Variants in APBA1 observed in about 807,000 individuals in gnomAD.
The protein encoded by APBA1 is amyloid-beta A4 precursor protein-binding family A member 1.
In APBA1, 55 loss-of-function variants were observed where a neutral mutation model predicts 86.6. That is an observed-to-expected ratio of 0.64 (90% CI 0.51 to 0.80). APBA1 has a LOEUF of 0.80. Among genes scored for constraint, APBA1 ranks in the 30% least tolerant of loss-of-function variants. The pLI is 0.00. For synonymous variants in APBA1, 511 were observed against 493.9 expected (o/e 1.03, Z -0.46); for missense variants, 1,090 against 1,183.0 (o/e 0.92, Z 1.15).
intron 8 of APBA1, among the ~76,000 whole-genome samples, chr9:69,454,432 C>T (rs1273511379): frequency 6.6e-6 from 1 of 152,172 alleles, no homozygotes; most frequent in East Asian, 1.9e-4. Flanking sequence ...AGCCATGTGC[C>T]ACACATCAGG....
intron 1 of APBA1, among the ~76,000 whole-genome samples, chr9:69,530,670 C>A (rs536908464): frequency 2.6e-4 from 39 of 152,242 alleles, no homozygotes; most frequent in Non-Finnish European, 4.6e-4. Flanking sequence ...CACCAGTATG[C>A]AGTATACCCA....
intron 1 of APBA1, among the ~76,000 whole-genome samples, chr9:69,592,668 A>G (rs767153490): frequency 7.7e-4 from 118 of 152,294 alleles, no homozygotes; most frequent in Non-Finnish European, 1.2e-3. Flanking sequence ...AGTCTTTCCT[A>G]TGCTCTCACG....
intron 1 of APBA1, among the ~76,000 whole-genome samples, chr9:69,636,915 G>GA (rs1823182143): frequency 2.7e-5 from 3 of 112,208 alleles, no homozygotes; most frequent in African/African-American, 1.0e-4. Context: ...AGGAAGGAAG[G>GA]AAGGAAGGAA....
chr9:69,645,645 G>C (rs907630178), intron 1 of APBA1, among the ~76,000 whole-genome samples: 20 of 152,176 alleles, frequency 1.3e-4, no homozygotes, highest in African/African-American at 3.6e-4. Flanking sequence ...TGAAAGGGAG[G>C]GGGGAGCTCG....
At chr9:69,576,609 A>G (rs1010016194) in intron 1 of APBA1, among the ~76,000 whole-genome samples, 1 of 152,194 alleles carries the variant, frequency 6.6e-6, no homozygotes, top group African/African-American at 2.4e-5. Context: ...CGCAAGGACA[A>G]AAAACCAAAC....
intron 2 of APBA1, among the ~76,000 whole-genome samples, chr9:69,492,159 T>C (rs1356566333): frequency 6.6e-6 from 1 of 152,132 alleles, no homozygotes; most frequent in Non-Finnish European, 1.5e-5. Flanking sequence ...GCCCAGCGTC[T>C]GGCAGATCAG....
chr9:69,450,638 T>C (rs906775656), intron 9 of APBA1, among the ~76,000 whole-genome samples: 2 of 152,182 alleles, frequency 1.3e-5, no homozygotes, highest in African/African-American at 4.8e-5. Context: ...GGTTGAATTG[T>C]GTCCCCCCAA....
At chr9:69,600,230 A>G (rs10123008) in intron 1 of APBA1, among the ~76,000 whole-genome samples, 106,299 of 152,048 alleles carry the variant, frequency 0.7, 37,418 homozygotes, top group East Asian at 0.85. Context: ...GGCCAAAAAC[A>G]ATTTCCGCTG....
intron 1 of APBA1, among the ~76,000 whole-genome samples, chr9:69,660,228 G>A (rs1296729327): frequency 6.6e-6 from 1 of 152,198 alleles, no homozygotes; most frequent in Non-Finnish European, 1.5e-5. Flanking sequence ...TTTGCTCTTA[G>A]AGAGATGTGC....
chr9:69,644,565 C>T (rs1290029628), intron 1 of APBA1, among the ~76,000 whole-genome samples: 1 of 152,304 alleles, frequency 6.6e-6, no homozygotes, highest in Admixed American at 6.5e-5. Context: ...TTACAGAGTC[C>T]CATTTGTAAG....
chr9:69,510,154 T>C (rs1335202342), intron 2 of APBA1, among the ~76,000 whole-genome samples: 1 of 142,820 alleles, frequency 7.0e-6, no homozygotes, highest in East Asian at 2.2e-4. Flanking sequence ...GATGACATGA[T>C]TGTATATCTA....
At chr9:69,576,595 C>G (rs1821803957) in intron 1 of APBA1, among the ~76,000 whole-genome samples, 1 of 152,068 alleles carries the variant, frequency 6.6e-6, no homozygotes, top group South Asian at 2.1e-4. Context: ...TCTCAGCAAA[C>G]TATCGCAAGG....
In APBA1 at chr9:69,430,627, G is replaced by A. The variant is rs1489020550; in HGVS notation, c.*700C>T. On this transcript the variant is annotated 3_prime_UTR_variant, in exon 13 of 13. Transcript: ENST00000265381. ...ATGGTTGATAACTTGAGGACAACCTGGTAAAGCTTCAGATGCCCCATGAAT... is the reference window on the plus strand; with the variant it reads ...ATGGTTGATAACTTGAGGACAACCTAGTAAAGCTTCAGATGCCCCATGAAT... 1 of 152,462 alleles carries A rather than the reference G, an allele frequency of 6.6e-6. No individual in the cohort carries two copies. The highest frequency in any genetic ancestry group is 2.4e-5 in the African/African-American group (1 of 41,416). 9.4% of individuals were successfully genotyped at this position (152,462 alleles called of 1,614,324 possible).
intron 1 of APBA1, among the ~76,000 whole-genome samples, chr9:69,572,749 A>C (rs1352139532): frequency 6.6e-6 from 1 of 152,164 alleles, no homozygotes. Context: ...CCTCCACATG[A>C]GAGCTGTGAT....
chr9:69,576,420 G>A (rs528051819), intron 1 of APBA1, among the ~76,000 whole-genome samples: 23 of 152,218 alleles, frequency 1.5e-4, no homozygotes, highest in Admixed American at 7.2e-4. Flanking sequence ...TGTTTATTGC[G>A]GCACTATTCA....
At position 69,517,227 on chromosome 9, in the gene APBA1, G is replaced by A; in HGVS notation, c.-17C>T. ...GTGGTTCATGGTGGGAGTCGGAACGGCTAGGAGAGAAGCTGGGCCCGGCTC... is the reference window on the plus strand; with the variant it reads ...GTGGTTCATGGTGGGAGTCGGAACGACTAGGAGAGAAGCTGGGCCCGGCTC... On this transcript the variant is annotated 5_prime_UTR_variant, in exon 2 of 13. Transcript: ENST00000265381. 1 of 1,451,046 alleles carries A rather than the reference G, an allele frequency of 6.9e-7. No individual in the cohort carries two copies. Among genetic ancestry groups the A allele is most frequent in the South Asian group, 1.5e-5 (1 of 67,694 alleles). 89.9% of individuals were successfully genotyped at this position (1,451,046 alleles called of 1,614,324 possible).
chr9:69,433,961 G>A lies in APBA1; in HGVS notation c.2302-1285C>T, dbSNP rs1041461366. On this transcript the variant is annotated intron_variant, in intron 11 of 12. Coordinates refer to ENST00000265381, the MANE Select transcript of APBA1 (RefSeq NM_001163.4). ...TGAGTAGCTGGGATTACAGGTGCCC[G>A]CCACCACACCTGGCTACTTTTTGTA... Among the ~76,000 whole-genome samples the A allele has an allele frequency of 5.3e-5, 8 of 152,184 alleles. No homozygotes were observed. In the South Asian group the frequency reaches 1.2e-3, roughly 24 times the overall value.
chr9:69,559,739 C>A (rs921430305), intron 1 of APBA1, among the ~76,000 whole-genome samples: 7 of 152,116 alleles, frequency 4.6e-5, no homozygotes, highest in African/African-American at 1.7e-4. Flanking sequence ...TGACCATTTC[C>A]TCTGGTTATT....
chr9:69,535,042 A>C (rs931212447), intron 1 of APBA1, among the ~76,000 whole-genome samples: 1 of 152,152 alleles, frequency 6.6e-6, no homozygotes, highest in Non-Finnish European at 1.5e-5. Context: ...ACCTGCTGTC[A>C]ACTACAATTT....
Sources: gnomAD v4.1 joint callset for allele counts (sites outside exome capture counted in the v4.1 genomes callset) on GRCh38, gnomAD v4.1.1 for gene constraint, MANE v1.5 for transcripts, NCBI Gene and HGNC (gene_info 2026-07-23, HGNC 2026-07-21) for gene names.